Variants in UCHL5 observed in about 807,000 individuals in gnomAD.
UCHL5 encodes ubiquitin C-terminal hydrolase L5.
Under a neutral mutation model 53.8 loss-of-function variants are expected in UCHL5, and 34 were observed. The ratio of observed to expected loss-of-function variants is 0.63; its 90% CI spans 0.48 to 0.84. The LOEUF (loss-of-function observed/expected upper bound fraction) is 0.84, where lower values mean the gene tolerates loss of function less well. Ranked by LOEUF, UCHL5 falls within the 40% of genes least tolerant of loss-of-function variation. The pLI is 0.00. For synonymous variants in UCHL5, 111 were observed against 126.3 expected (o/e 0.88, Z 0.81); for missense variants, 290 against 385.6 (o/e 0.75, Z 2.08).
chr1:193,029,038 G>T, intron 6 of UCHL5, 141 bp downstream of exon 6: 1 of 926,088 alleles, frequency 1.1e-6, no homozygotes, highest in South Asian at 1.9e-5. Flanking sequence ...ATAACACACT[G>T]AAGAGCTTAA....
chr1:193,052,817 C>T (rs561356925), intron 1 of UCHL5, among the ~76,000 whole-genome samples: 5 of 152,264 alleles, frequency 3.3e-5, no homozygotes, highest in Non-Finnish European at 5.9e-5. Context: ...TTTTTTATGT[C>T]CTCTACATAA....
intron 2 of UCHL5, among the ~76,000 whole-genome samples, chr1:193,051,362 C>T (rs1668978324): frequency 6.6e-6 from 1 of 151,220 alleles, no homozygotes; most frequent in Non-Finnish European, 1.5e-5. Context: ...TTCTGGATTA[C>T]TATAAATATA....
At chr1:193,019,320 G>A (rs1043897262) in intron 10 of UCHL5, among the ~76,000 whole-genome samples, 12 of 151,486 alleles carry the variant, frequency 7.9e-5, no homozygotes, top group Non-Finnish European at 1.2e-4. Context: ...AAAATAATAT[G>A]TCTCAGTTAT....
In UCHL5 at chr1:193,028,190, G is replaced by C. The variant is rs143800303; in HGVS notation, c.566-42C>G. ...AAACAGTTAACACAAATAAAAATAA[G>C]AACAATCAACTTTAAAATGCAAAAG... is the stretch of plus-strand genomic sequence containing the variant. On this transcript the variant is annotated intron_variant, in intron 6 of 10. Coordinates refer to ENST00000367454, the MANE Select transcript of UCHL5 (RefSeq NM_001199261.3). The C allele has an allele frequency of 4.5e-4, 680 of 1,495,978 alleles. 10 individuals carry two copies. In the East Asian group the frequency reaches 0.016, roughly 35 times the overall value. The allele number at this position is 1,495,978 out of a possible 1,614,324, so 92.7% of individuals were successfully genotyped here.
chr1:193,034,526 T>C (rs981080292), intron 3 of UCHL5, among the ~76,000 whole-genome samples: 9 of 152,020 alleles, frequency 5.9e-5, no homozygotes, highest in African/African-American at 2.2e-4. Flanking sequence ...TTTGAAGAAG[T>C]ATATCACCTT....
intron 3 of UCHL5, among the ~76,000 whole-genome samples, chr1:193,038,713 T>C (rs1170984809): frequency 6.6e-6 from 1 of 151,856 alleles, no homozygotes; most frequent in Admixed American, 6.6e-5. Flanking sequence ...TTGCAGGATA[T>C]AACCAAGCAC....
rs760569217 is a variant in UCHL5 at position 193,051,805 on chromosome 1, G to A, written c.89C>T (p.Ala30Val). 1.3e-6 allele frequency: 2 copies of A among 1,592,848 alleles called. No homozygotes were observed. The highest frequency in any genetic ancestry group is 1.7e-5 in the Admixed American group (1 of 57,390). The change falls in exon 2 of 11, where the codon GCC (alanine) becomes GTC (valine). Residue 30 changes from alanine (A) to valine (V), a missense_variant. Physicochemically the swap from Ala to Val is moderately conservative, Grantham distance 64. Coordinates refer to ENST00000367454, the MANE Select transcript of UCHL5 (RefSeq NM_001199261.3). ...TAAACTCCATATTTCTTCTACTTGG[G>A]CTCCTCGGCAACCTGAAATAATAAA... ...ELIKGFGCRG[A>V]QVEEIWSLEP...
At chr1:193,048,691 T>C (rs1355675986) in intron 3 of UCHL5, among the ~76,000 whole-genome samples, 3 of 152,290 alleles carry the variant, frequency 2.0e-5, no homozygotes, top group East Asian at 1.9e-4. Context: ...AACGAAAACA[T>C]TGCAACAGAC....
chr1:193,059,950 G>GTA (rs1309689710), upstream of UCHL5: 14 of 1,366,290 alleles, frequency 1.0e-5, no homozygotes, highest in Non-Finnish European at 1.2e-5. This position sits in a 1 kb window ranked among gnomAD's most constrained non-coding sequence, Gnocchi z 4.9. Context: ...CCTGGGTAAC[G>GTA]GAACCAGCAT....
chr1:193,040,390 A>C (rs896933662), intron 3 of UCHL5, among the ~76,000 whole-genome samples: 1 of 152,222 alleles, frequency 6.6e-6, no homozygotes, highest in African/African-American at 2.4e-5. Context: ...AGGTATATAA[A>C]AAAATACTCA....
At chr1:193,031,915 C>G (rs1661562395) in intron 3 of UCHL5, among the ~76,000 whole-genome samples, 1 of 152,170 alleles carries the variant, frequency 6.6e-6, no homozygotes, top group African/African-American at 2.4e-5. Flanking sequence ...TACTTTAACT[C>G]TGGCTTTTAA....
chr1:193,017,623 A>G (rs1326667377), intron 10 of UCHL5, among the ~76,000 whole-genome samples: 2 of 151,646 alleles, frequency 1.3e-5, no homozygotes, highest in Non-Finnish European at 3.0e-5. Context: ...TTCCTTATTG[A>G]TCTGAGTATA....
intron 3 of UCHL5, among the ~76,000 whole-genome samples, chr1:193,035,026 G>C (rs1271070553): frequency 1.3e-5 from 2 of 151,802 alleles, no homozygotes; most frequent in Non-Finnish European, 2.9e-5. Flanking sequence ...GAGGGTCTTA[G>C]CTAGGAACTA....
intron 3 of UCHL5, among the ~76,000 whole-genome samples, chr1:193,036,317 CAAAAAAAAAAAAAA>C (rs960496083): frequency 1.2e-4 from 6 of 50,798 alleles, no homozygotes; most frequent in African/African-American, 4.5e-4. Flanking sequence ...AACTGGAAAC[CAAAAAAAAAAAAAA>C]AAAAAAAAAA....
intron 3 of UCHL5, among the ~76,000 whole-genome samples, chr1:193,033,702 C>T (rs986218511): frequency 1.3e-5 from 2 of 151,830 alleles, no homozygotes; most frequent in African/African-American, 2.4e-5. Flanking sequence ...CTCATGAAGA[C>T]TCTATAAAGA....
intron 1 of UCHL5, among the ~76,000 whole-genome samples, chr1:193,055,196 T>C (rs531020992): frequency 6.6e-6 from 1 of 152,336 alleles, no homozygotes; most frequent in Admixed American, 6.5e-5. Context: ...TTTTCAAGGA[T>C]GTTCATATAG....
At chr1:193,044,180 T>C (rs1654115003) in intron 3 of UCHL5, among the ~76,000 whole-genome samples, 1 of 152,198 alleles carries the variant, frequency 6.6e-6, no homozygotes, top group Admixed American at 6.5e-5. Context: ...GCACTTATCA[T>C]CATTGTAATT....
At chr1:193,058,395 T>C (rs1465670638) in intron 1 of UCHL5, among the ~76,000 whole-genome samples, 2 of 152,178 alleles carry the variant, frequency 1.3e-5, no homozygotes, top group African/African-American at 4.8e-5. Flanking sequence ...CATCGTAGAG[T>C]CAATAACACT....
At chr1:193,024,419 C>T (rs908741402) in intron 7 of UCHL5, among the ~76,000 whole-genome samples, 2 of 151,288 alleles carry the variant, frequency 1.3e-5, no homozygotes, top group Non-Finnish European at 2.9e-5. Flanking sequence ...TATGGCAACA[C>T]ATTAACTTAA....
Sources: gnomAD v4.1 joint callset for allele counts (sites outside exome capture counted in the v4.1 genomes callset) on GRCh38, gnomAD v4.1.1 for gene constraint, Gnocchi (gnomAD v3.1) non-coding constraint, MANE v1.5 for transcripts, NCBI Gene and HGNC (gene_info 2026-07-23, HGNC 2026-07-21) for gene names.